Variants in STIL observed in about 807,000 individuals in gnomAD.
STIL encodes STIL centriolar assembly protein.
Under a neutral mutation model 110.1 loss-of-function variants are expected in STIL, and 55 were observed. The observed-to-expected ratio is 0.50, with a 90% CI of 0.40 to 0.63. STIL has a LOEUF of 0.63. STIL is among the 20% of genes least tolerant of loss of function. The pLI is 0.00. For synonymous variants in STIL, 481 were observed against 530.0 expected (o/e 0.91, Z 1.27); for missense variants, 1,358 against 1,530.0 (o/e 0.89, Z 1.87).
At chr1:47,314,625 T>A (rs910691115), upstream of STIL, among the ~76,000 whole-genome samples, 1 of 152,250 alleles carries the variant, frequency 6.6e-6, no homozygotes, top group Non-Finnish European at 1.5e-5. Flanking sequence ...TAATTTTTAT[T>A]CTAAAATGTA....
At chr1:47,269,557 T>C (rs1357209162) in intron 14 of STIL, 78 bp downstream of exon 14, 8 of 1,036,586 alleles carry the variant, frequency 7.7e-6, no homozygotes, top group African/African-American at 6.4e-5. Flanking sequence ...GCCCCACAAA[T>C]ATATACAATT....
chr1:47,269,386 C>T (rs545225801), intron 14 of STIL, among the ~76,000 whole-genome samples: 1 of 152,014 alleles, frequency 6.6e-6, no homozygotes, highest in South Asian at 2.1e-4. Flanking sequence ...AAAACCTGAA[C>T]AGAACAGCAA....
chr1:47,267,918 G>A (rs1347638044), intron 14 of STIL, among the ~76,000 whole-genome samples: 1 of 151,730 alleles, frequency 6.6e-6, no homozygotes, highest in Non-Finnish European at 1.5e-5. Context: ...CTTATTTAAT[G>A]GAAAATTTCA....
Position 47,302,729 on chromosome 1 carries a change from G to A in STIL, c.153-383C>T, listed in dbSNP as rs185791216. Among the ~76,000 whole-genome samples, 14 of 152,254 alleles carry A rather than the reference G, an allele frequency of 9.2e-5. No individual in the cohort carries two copies. In the East Asian group the frequency reaches 2.7e-3, roughly 29 times the overall value. On this transcript the variant is annotated intron_variant, in intron 3 of 16. Coordinates refer to ENST00000371877, the MANE Select transcript of STIL (RefSeq NM_001048166.1). ...CTGGGAGACATGTTCCAGACCCCCA[G>A]TGGATGTCTGAAACCACAGATAGTA...
chr1:47,305,041 C>G, intron 2 of STIL, 45 bp from the exon 3 acceptor site: 1 of 1,388,648 alleles, frequency 7.2e-7, no homozygotes, highest in Non-Finnish European at 1.0e-6. Context: ...GAATAGCAAA[C>G]TTGGTAGACA....
intron 1 of STIL, among the ~76,000 whole-genome samples, chr1:47,311,602 T>G (rs115271573): frequency 0.016 from 2,458 of 152,318 alleles, 76 homozygotes; most frequent in African/African-American, 0.056. Context: ...AAATCCATAT[T>G]TCTAACTGCC....
intron 4 of STIL, 119 bp downstream of exon 4, chr1:47,302,115 C>A: frequency 1.3e-6 from 1 of 752,718 alleles, no homozygotes; most frequent in Non-Finnish European, 2.4e-6. Flanking sequence ...CTGATGGAGT[C>A]TTACTATGTT....
intron 11 of STIL, 52 bp downstream of exon 11, chr1:47,282,293 G>A: frequency 6.2e-6 from 7 of 1,132,124 alleles, no homozygotes; most frequent in Non-Finnish European, 9.4e-6. Context: ...TAACCATGAA[G>A]AGACTTAGGT....
intron 12 of STIL, among the ~76,000 whole-genome samples, chr1:47,277,729 A>C (rs945530304): frequency 7.2e-5 from 11 of 152,196 alleles, no homozygotes; most frequent in Non-Finnish European, 1.2e-4. Context: ...TAATAGTAAT[A>C]GTTAACATAT....
In STIL at chr1:47,270,804, G is replaced by A. The variant is rs148295595; in HGVS notation, c.2384-938C>T. Among the ~76,000 whole-genome samples the A allele has an allele frequency of 5.2e-3, 787 of 150,164 alleles. 2 individuals carry two copies. Among genetic ancestry groups the A allele is most frequent in the East Asian group, 0.031 (155 of 5,024 alleles). ...GGTGATCCTCCCACCTCAGCTTCCC[G>A]AGTAGCTGGGACTGCAGGTGTGCGC... On this transcript the variant is annotated intron_variant, in intron 13 of 16. Transcript: ENST00000371877.
chr1:47,252,036 C>A, intron 16 of STIL, 114 bp from the exon 17 acceptor site: 1 of 1,077,522 alleles, frequency 9.3e-7, no homozygotes, highest in African/African-American at 1.6e-5. Flanking sequence ...AGTTCATGGT[C>A]CTTTTATCTA....
At chr1:47,291,098 G>A (rs866369613) in intron 8 of STIL, among the ~76,000 whole-genome samples, 2 of 152,226 alleles carry the variant, frequency 1.3e-5, no homozygotes, top group South Asian at 4.1e-4. Flanking sequence ...AGTGGCTCAC[G>A]CCTGTAATCG....
At chr1:47,258,896 A>C (rs1385224916) in intron 16 of STIL, among the ~76,000 whole-genome samples, 4 of 152,030 alleles carry the variant, frequency 2.6e-5, no homozygotes, top group Admixed American at 6.6e-5. Flanking sequence ...ACAACAACAA[A>C]AAATCAAATC....
chr1:47,293,680 A>G, intron 7 of STIL, 136 bp from the exon 8 acceptor site: 1 of 657,414 alleles, frequency 1.5e-6, no homozygotes. Flanking sequence ...TAAGAAATCT[A>G]AAAACGTGCT....
intron 7 of STIL, among the ~76,000 whole-genome samples, chr1:47,294,170 A>G (rs139812781): frequency 6.6e-6 from 1 of 152,298 alleles, no homozygotes; most frequent in African/African-American, 2.4e-5. Context: ...TCTACTATCT[A>G]AACAATTGAA....
intron 6 of STIL, 28 bp downstream of exon 6, chr1:47,299,877 C>T (rs1645751918): frequency 1.9e-6 from 3 of 1,602,500 alleles, no homozygotes; most frequent in Admixed American, 3.3e-5. Context: ...ATGCAACTAA[C>T]ATTTAGATTA....
chr1:47,252,686 G>A (rs1028646), intron 16 of STIL, among the ~76,000 whole-genome samples: 64,275 of 151,314 alleles, frequency 0.42, 15,708 homozygotes, highest in South Asian at 0.55. Flanking sequence ...ACAAGCTTTA[G>A]TAAGTAGCTC....
chr1:47,266,422 TATC>T (rs1387649865), intron 14 of STIL, among the ~76,000 whole-genome samples: 1 of 152,176 alleles, frequency 6.6e-6, no homozygotes, highest in Non-Finnish European at 1.5e-5. Context: ...CAATGGCACT[TATC>T]ATAGATCACT....
chr1:47,305,135 A>AT (rs1285271394), intron 2 of STIL, 139 bp from the exon 3 acceptor site: 8 of 635,490 alleles, frequency 1.3e-5, no homozygotes, highest in Admixed American at 2.9e-5. Flanking sequence ...ATATATATAT[A>AT]TTTTTTTTGA....
Sources: gnomAD v4.1 joint callset for allele counts (sites outside exome capture counted in the v4.1 genomes callset) on GRCh38, gnomAD v4.1.1 for gene constraint, MANE v1.5 for transcripts, NCBI Gene and HGNC (gene_info 2026-07-23, HGNC 2026-07-21) for gene names.